Variants in DDX4 observed in about 807,000 individuals in gnomAD.
The protein encoded by DDX4 is DEAD-box helicase 4.
A neutral mutation model predicts 100.0 loss-of-function variants in DDX4; 25 were observed. The ratio of observed to expected loss-of-function variants is 0.25; its 90% CI spans 0.18 to 0.35. The LOEUF is 0.35. DDX4 is among the 10% of genes least tolerant of loss of function. The pLI, the probability that DDX4 is intolerant of heterozygous loss-of-function variation, is 1.00. For synonymous variants in DDX4, 259 were observed against 275.7 expected, an observed-to-expected ratio of 0.94 and a Z score of 0.60; for missense variants, 635 against 882.4, an observed-to-expected ratio of 0.72 and a Z score of 3.55.
At chr5:55,796,823 C>CTTT (rs3990072) in intron 17 of DDX4, among the ~76,000 whole-genome samples, 1,157 of 59,856 alleles carry the variant, frequency 0.019, 168 homozygotes, top group Non-Finnish European at 0.027. Flanking sequence ...TTCTTTCTTT[C>CTTT]TTTTTTTTTT....
intron 19 of DDX4, 111 bp downstream of exon 19, chr5:55,813,883 T>C: frequency 8.0e-7 from 1 of 1,244,170 alleles, no homozygotes. Context: ...GATTCAGAAT[T>C]CTCTCAGATC....
chr5:55,753,831 A>G (rs1415556241), intron 3 of DDX4, among the ~76,000 whole-genome samples: 2 of 129,624 alleles, frequency 1.5e-5, no homozygotes, highest in Non-Finnish European at 3.3e-5. Flanking sequence ...ATTTGTTTGT[A>G]TCCTCTTTTA....
At chr5:55,766,648 ACT>A (rs1245797931) in intron 6 of DDX4, among the ~76,000 whole-genome samples, 1 of 152,164 alleles carries the variant, frequency 6.6e-6, no homozygotes, top group Admixed American at 6.5e-5. Context: ...GCTTTGGGTC[ACT>A]GTTTATTGTA....
At chr5:55,781,794 ATCT>A in intron 9 of DDX4, 137 bp from the exon 10 acceptor site, 1 of 938,066 alleles carries the variant, frequency 1.1e-6, no homozygotes. Context: ...AAAAAGTTAA[ATCT>A]AAAATTAAGA....
intron 6 of DDX4, among the ~76,000 whole-genome samples, chr5:55,767,127 A>G (rs1740973380): frequency 6.6e-6 from 1 of 152,200 alleles, no homozygotes; most frequent in Admixed American, 6.5e-5. Flanking sequence ...AGAAAGCACA[A>G]ATGTCTTGAG....
At chr5:55,752,229 T>G (rs923877494) in intron 3 of DDX4, among the ~76,000 whole-genome samples, 1 of 151,512 alleles carries the variant, frequency 6.6e-6, no homozygotes, top group Non-Finnish European at 1.5e-5. Context: ...CATGTGCACA[T>G]TGTGCAGGTT....
intron 2 of DDX4, among the ~76,000 whole-genome samples, chr5:55,743,455 A>G (rs919715204): frequency 6.6e-6 from 1 of 152,090 alleles, no homozygotes; most frequent in Non-Finnish European, 1.5e-5. Flanking sequence ...TTTGAGACAG[A>G]GACTTGTTCT....
chr5:55,790,715 A>G lies in DDX4; in HGVS notation c.1302+10A>G. The G allele has an allele frequency of 2.5e-6, 4 of 1,610,432 alleles. No homozygotes were observed. The highest frequency in any genetic ancestry group is 1.7e-6 in the Non-Finnish European group (2 of 1,177,380). ...CATAGGCAAAGAAAAGGTACGCCTT[A>G]TAGGAATAATGAAGTTGTGAGATTG... On this transcript the variant is annotated intron_variant, in intron 16 of 21. Coordinates refer to ENST00000505374, the MANE Select transcript of DDX4 (RefSeq NM_024415.3).
At chr5:55,813,923 A>G (rs1744248252) in intron 19 of DDX4, 151 bp downstream of exon 19, 1 of 990,420 alleles carries the variant, frequency 1.0e-6, no homozygotes, top group South Asian at 3.1e-5. Flanking sequence ...ATATGAGGAA[A>G]AGGATAATAC....
At chr5:55,761,207 A>G (rs1305540976) in intron 4 of DDX4, among the ~76,000 whole-genome samples, 2 of 152,206 alleles carry the variant, frequency 1.3e-5, no homozygotes, top group South Asian at 2.1e-4. Flanking sequence ...GCATATTAAG[A>G]TGCATTGTTT....
At chr5:55,804,931 G>T (rs1043922856) in intron 18 of DDX4, among the ~76,000 whole-genome samples, 1 of 151,380 alleles carries the variant, frequency 6.6e-6, no homozygotes. Flanking sequence ...CCATTTTCAC[G>T]ATATTGATTC....
At chr5:55,778,989 ATAAAAT>A (rs1387980045) in intron 7 of DDX4, among the ~76,000 whole-genome samples, 1 of 152,148 alleles carries the variant, frequency 6.6e-6, no homozygotes, top group Non-Finnish European at 1.5e-5. Context: ...TACATAGTTG[ATAAAAT>A]TAAGAGCAAG....
chr5:55,763,474 CAT>C (rs1429689778), intron 5 of DDX4, among the ~76,000 whole-genome samples: 2 of 151,784 alleles, frequency 1.3e-5, no homozygotes, highest in African/African-American at 4.8e-5. Flanking sequence ...ATTCTAGAGA[CAT>C]GTCTGTATGC....
intron 2 of DDX4, among the ~76,000 whole-genome samples, chr5:55,744,099 T>C (rs1477446968): frequency 6.6e-6 from 1 of 152,190 alleles, no homozygotes; most frequent in Non-Finnish European, 1.5e-5. Context: ...TCAAGTATGT[T>C]GTTATTTTTG....
chr5:55,744,396 A>T (rs1759141112), intron 2 of DDX4, among the ~76,000 whole-genome samples: 1 of 152,154 alleles, frequency 6.6e-6, no homozygotes, highest in Non-Finnish European at 1.5e-5. Flanking sequence ...TCAGAGCCGT[A>T]TTCTGAACTT....
At chr5:55,763,294 G>A in intron 5 of DDX4, 42 bp downstream of exon 5, 2 of 1,252,574 alleles carry the variant, frequency 1.6e-6, no homozygotes, top group East Asian at 2.3e-5. Flanking sequence ...AAACTTGAGT[G>A]ATTTTTTAAT....
chr5:55,810,414 AT>A (rs1056699133), intron 18 of DDX4, among the ~76,000 whole-genome samples: 2 of 152,014 alleles, frequency 1.3e-5, no homozygotes, highest in African/African-American at 4.8e-5. Flanking sequence ...CATGTTTCGG[AT>A]TTTTTTTAAT....
rs945584637 is a variant in DDX4, at chr5:55,816,088, G to A, written c.2098-375G>A. 2.6e-4 allele frequency among the ~76,000 whole-genome samples: 39 copies of A among 151,910 alleles called. 1 individual carries two copies. Among genetic ancestry groups the A allele is most frequent in the Middle Eastern group, 3.2e-3 (1 of 316 alleles). On this transcript the variant is annotated intron_variant, in intron 21 of 21. Transcript: ENST00000505374. ...GGCGTGAGCCACTGCGCCCAGCCAC[G>A]AGGCTACAAGTCTTTTCTGGTATGT...
intron 14 of DDX4, among the ~76,000 whole-genome samples, chr5:55,787,623 T>C (rs1250350474): frequency 1.3e-5 from 2 of 152,182 alleles, no homozygotes; most frequent in Admixed American, 1.3e-4. Context: ...TGAAAAACTT[T>C]GATAGGTTAG....
Sources: gnomAD v4.1 joint callset for allele counts (sites outside exome capture counted in the v4.1 genomes callset) on GRCh38, gnomAD v4.1.1 for gene constraint, MANE v1.5 for transcripts, NCBI Gene and HGNC (gene_info 2026-07-23, HGNC 2026-07-21) for gene names.